The following CNBD1 variants were observed in gnomAD, a reference collection of about 807,000 sequenced individuals.
The protein encoded by CNBD1 is cyclic nucleotide-binding domain-containing protein 1.
In CNBD1, 71 loss-of-function variants were observed where a neutral mutation model predicts 54.4. The observed-to-expected ratio is 1.30, with a 90% CI of 1.08 to 1.59. CNBD1 has a LOEUF of 1.59. Among genes scored for constraint, CNBD1 ranks in the 40% most tolerant of loss-of-function variants. CNBD1 has a pLI of 0.00. For missense variants in CNBD1, 659 were observed against 518.0 expected (o/e 1.27, Z -2.64); for synonymous variants, 182 against 170.7 (o/e 1.07, Z -0.51).
At chr8:87,419,410 T>C (rs1439392651) in intron 2 of CNBD1, among the ~76,000 whole-genome samples, 1 of 151,932 alleles carries the variant, frequency 6.6e-6, no homozygotes, top group East Asian at 1.9e-4. Flanking sequence ...TGAAAACCAC[T>C]AAACTGTACT....
intron 10 of CNBD1, among the ~76,000 whole-genome samples, chr8:87,377,915 A>AT (rs1810985596): frequency 6.7e-6 from 1 of 149,916 alleles, no homozygotes; most frequent in South Asian, 2.1e-4. Context: ...GATGATGAGC[A>AT]TTTTTTCATG....
intron 4 of CNBD1, among the ~76,000 whole-genome samples, chr8:86,946,534 G>A (rs950519197): frequency 1.1e-4 from 16 of 151,926 alleles, no homozygotes; most frequent in East Asian, 7.7e-4. Context: ...TCTTGTTTTC[G>A]GTGACATAGT....
chr8:87,390,976 CA>C (rs1811296799), intron 2 of CNBD1, among the ~76,000 whole-genome samples: 1 of 150,958 alleles, frequency 6.6e-6, no homozygotes, highest in African/African-American at 2.4e-5. Context: ...TCATTCTCAG[CA>C]AACTATCACA....
rs553747341 is a variant in CNBD1 at position 86,969,153 on chromosome 8, G to GT, written c.431+29407dup. Among the ~76,000 whole-genome samples, 32 of 151,500 alleles carry GT rather than the reference G, an allele frequency of 2.1e-4. 1 individual carries two copies. Among genetic ancestry groups the GT allele is most frequent in the Middle Eastern group, 3.4e-3 (1 of 294 alleles). The stretch of plus-strand genomic sequence containing the variant: ...ATTTTCCTTTCACAACTTATTTACT[G>GT]TTTTTTTTCTCTGCATTTTCTCATT... On this transcript the variant is annotated intron_variant, in intron 4 of 10. Transcript: ENST00000518476.
chr8:87,079,416 C>T (rs1207127893), intron 4 of CNBD1, among the ~76,000 whole-genome samples: 1 of 151,890 alleles, frequency 6.6e-6, no homozygotes, highest in Non-Finnish European at 1.5e-5. Context: ...TGTGGCAGTA[C>T]CATTTTACAT....
intron 4 of CNBD1, among the ~76,000 whole-genome samples, chr8:87,017,126 A>G (rs1028443858): frequency 1.3e-5 from 2 of 152,170 alleles, no homozygotes; most frequent in African/African-American, 4.8e-5. Context: ...TCACCAGAAA[A>G]GGTAAAATTG....
At chr8:86,997,261 G>A (rs1179208782) in intron 4 of CNBD1, among the ~76,000 whole-genome samples, 1 of 152,128 alleles carries the variant, frequency 6.6e-6, no homozygotes, top group African/African-American at 2.4e-5. Flanking sequence ...GATTTAAGCA[G>A]AAAATTATGA....
chr8:87,031,485 G>A (rs1382593842), intron 4 of CNBD1, among the ~76,000 whole-genome samples: 1 of 152,066 alleles, frequency 6.6e-6, no homozygotes, highest in Non-Finnish European at 1.5e-5. Flanking sequence ...GCCTATGCAA[G>A]CATTTTCCAC....
chr8:86,967,007 C>T (rs1808094860), intron 4 of CNBD1, among the ~76,000 whole-genome samples: 1 of 152,146 alleles, frequency 6.6e-6, no homozygotes, highest in African/African-American at 2.4e-5. Context: ...ATTTACAAAC[C>T]TTTAGCTAGA....
At position 87,122,977 on chromosome 8, in the gene CNBD1, G is replaced by A. The variant is rs184631636; in HGVS notation, c.432-83016G>A. 2.7e-3 allele frequency among the ~76,000 whole-genome samples: 416 copies of A among 151,970 alleles called. 1 individual carries two copies. The highest frequency in any genetic ancestry group is 9.7e-3 in the African/African-American group (402 of 41,526). ...GTAATTTGTTTTCAAATCTAGTAAT[G>A]TGATGCTTCCAGCTTTGTTCTTTTG... On this transcript the variant is annotated intron_variant, in intron 4 of 10. Transcript: ENST00000518476.
chr8:87,199,849 A>G (rs898482437), intron 4 of CNBD1, among the ~76,000 whole-genome samples: 3 of 152,166 alleles, frequency 2.0e-5, no homozygotes, highest in African/African-American at 7.2e-5. Context: ...TATTTTTAAA[A>G]ATAATTAATG....
intron 4 of CNBD1, among the ~76,000 whole-genome samples, chr8:87,003,609 CTTTAT>C (rs749511932): frequency 1.3e-5 from 2 of 152,044 alleles, no homozygotes; most frequent in South Asian, 2.1e-4. Context: ...AGATAAATCC[CTTTAT>C]TTTATTTTAT....
At chr8:86,955,826 T>G (rs891653540) in intron 4 of CNBD1, among the ~76,000 whole-genome samples, 3 of 152,206 alleles carry the variant, frequency 2.0e-5, no homozygotes, top group African/African-American at 7.2e-5. Context: ...CAGAAGCTCT[T>G]TAGTTTAATT....
intron 4 of CNBD1, among the ~76,000 whole-genome samples, chr8:87,118,962 C>T (rs1383103326): frequency 6.6e-6 from 1 of 152,190 alleles, no homozygotes; most frequent in Admixed American, 6.5e-5. Flanking sequence ...TTATCTTTTA[C>T]ATCTAAACTC....
At chr8:87,198,734 T>C (rs756833689) in intron 4 of CNBD1, among the ~76,000 whole-genome samples, 1 of 152,236 alleles carries the variant, frequency 6.6e-6, no homozygotes, top group South Asian at 2.1e-4. Context: ...TTAGTGGATA[T>C]TTCTGTGGCT....
intron 4 of CNBD1, among the ~76,000 whole-genome samples, chr8:87,015,167 A>G (rs1349600546): frequency 6.6e-6 from 1 of 152,182 alleles, no homozygotes; most frequent in Non-Finnish European, 1.5e-5. Flanking sequence ...TTTTATTACA[A>G]ATATTGACTT....
At chr8:87,156,703 G>T (rs187100152) in intron 4 of CNBD1, among the ~76,000 whole-genome samples, 1 of 152,150 alleles carries the variant, frequency 6.6e-6, no homozygotes, top group African/African-American at 2.4e-5. Context: ...TTTATTCAGG[G>T]TTGGGGGTTA....
At chr8:87,143,148 T>C (rs1223602136) in intron 4 of CNBD1, among the ~76,000 whole-genome samples, 1 of 152,192 alleles carries the variant, frequency 6.6e-6, no homozygotes, top group African/African-American at 2.4e-5. Flanking sequence ...GGCAACTCAA[T>C]TGAATTACAG....
chr8:87,171,074 T>C (rs1294256562), intron 4 of CNBD1, among the ~76,000 whole-genome samples: 2 of 152,180 alleles, frequency 1.3e-5, no homozygotes, highest in Non-Finnish European at 2.9e-5. Flanking sequence ...TTTTTTGTAA[T>C]AGTTTGAGTA....
Sources: allele counts gnomAD v4.1 joint callset (sites outside exome capture counted in the v4.1 genomes callset), GRCh38; gene constraint gnomAD v4.1.1; transcripts MANE v1.5; gene names NCBI Gene and HGNC (gene_info 2026-07-23, HGNC 2026-07-21).